COQ6: variants seen among roughly 807,000 people sequenced by gnomAD.
COQ6 encodes coenzyme Q6, monooxygenase, also known as ubiquinone biosynthesis monooxygenase COQ6, mitochondrial.
In COQ6, 45 loss-of-function variants were observed where a neutral mutation model predicts 55.5. That is an observed-to-expected ratio of 0.81 (90% CI 0.64 to 1.04). The LOEUF (loss-of-function observed/expected upper bound fraction) is 1.04, where lower values mean the gene tolerates loss of function less well. Ranked by LOEUF, COQ6 falls within the 50% of genes least tolerant of loss-of-function variation. The probability of loss-of-function intolerance (pLI) is 0.00; values close to 1 mark genes in which losing one functional copy is unlikely to be tolerated. For synonymous variants in COQ6, 206 were observed against 230.5 expected, an observed-to-expected ratio of 0.89 and a Z score of 0.96; for missense variants, 550 against 601.3, an observed-to-expected ratio of 0.91 and a Z score of 0.89.
At chr14:73,957,199 A>C (rs1184190364) in intron 4 of COQ6, among the ~76,000 whole-genome samples, 1 of 151,322 alleles carries the variant, frequency 6.6e-6, no homozygotes, top group East Asian at 1.9e-4. Flanking sequence ...CCAGGTTCAC[A>C]CCATTCTCCT....
chr14:73,961,782 A>C lies in COQ6; in HGVS notation c.1256A>C (p.His419Pro), dbSNP rs1180320611. The change falls in exon 11 of 12, where the codon CAC (histidine) becomes CCC (proline). Residue 419 changes from histidine (H) to proline (P), a missense_variant. Physicochemically the swap from His to Pro is moderately conservative, Grantham distance 77. Transcript: ENST00000334571. ...GGTTATGAAACAGAAAGACAGCGTC[A>C]CAACACTGCTCTTCTGGCTGCTACA... ...LTGYETERQR[H>P]NTALLAATDL... 1.9e-6 allele frequency: 3 copies of C among 1,614,190 alleles called. No individual in the cohort carries two copies. Among genetic ancestry groups the C allele is most frequent in the Non-Finnish European group, 2.5e-6 (3 of 1,180,030 alleles).
chr14:73,953,798 C>T, intron 2 of COQ6: 1 of 604,924 alleles, frequency 1.7e-6, no homozygotes, highest in Non-Finnish European at 3.0e-6. Context: ...GCATGTGGGT[C>T]CATCATGTTG....
intron 4 of COQ6, among the ~76,000 whole-genome samples, chr14:73,957,312 C>T (rs534495064): frequency 6.6e-6 from 1 of 152,116 alleles, no homozygotes; most frequent in African/African-American, 2.4e-5. Context: ...GTCTCAATCT[C>T]CTGACCTCGT....
chr14:73,961,930 T>C lies in COQ6; in HGVS notation c.1377+27T>C, dbSNP rs984412591. On this transcript the variant is annotated intron_variant, in intron 11 of 11. Coordinates refer to ENST00000334571, the MANE Select transcript of COQ6 (RefSeq NM_182476.3). Reference sequence around the variant, plus strand: ...TAAGAGGTTGCTCAGAGGAATGACTTTGCAAACAGCTCTTAATTTCTTTTG... The same window carrying C: ...TAAGAGGTTGCTCAGAGGAATGACTCTGCAAACAGCTCTTAATTTCTTTTG... 1.9e-6 allele frequency: 3 copies of C among 1,613,348 alleles called. No individual in the cohort carries two copies. The Admixed American group carries it at 5.0e-5, about 27-fold the overall frequency.
At chr14:73,961,067 G>A in intron 8 of COQ6, 106 bp from the exon 9 acceptor site, 1 of 1,307,820 alleles carries the variant, frequency 7.6e-7, no homozygotes, top group African/African-American at 1.5e-5. Context: ...GGCAAGTTGG[G>A]TAGCATTAGC....
chr14:73,950,860 A>G (rs552298110), intron 1 of COQ6, among the ~76,000 whole-genome samples: 2 of 152,280 alleles, frequency 1.3e-5, no homozygotes, highest in South Asian at 4.1e-4. Flanking sequence ...TTTGACTTGT[A>G]TTTCCCTAAT....
At position 73,955,301 on chromosome 14, in the gene COQ6, G is replaced by C. The variant is rs186786930; in HGVS notation, c.299-150G>C. The C allele has an allele frequency of 3.3e-4, 240 of 725,638 alleles. 2 individuals are homozygous for C. In the East Asian group the frequency reaches 4.4e-3, roughly 13 times the overall value. 44.9% of individuals were successfully genotyped at this position (725,638 alleles called of 1,614,324 possible). A position where few individuals can be genotyped will look rare whatever the true frequency, so the allele number is the denominator to read the frequency against. ...ATACAACCTGGAACTGGGGAACAGA[G>C]TAGCTTAGGTACTAACATCAAACAA... On this transcript the variant is annotated intron_variant, in intron 2 of 11. Coordinates refer to ENST00000334571, the MANE Select transcript of COQ6 (RefSeq NM_182476.3).
rs1324425070 is a variant in COQ6, at chr14:73,956,064, C to T, written c.481+136C>T. ...TGATGGCCGGGTGCGGTGGCTCACG[C>T]CTGTAATCCCAGCACTTTTGGAGGC... is the stretch of plus-strand genomic sequence containing the variant. On this transcript the variant is annotated intron_variant, in intron 4 of 11. Transcript: ENST00000334571. 12 of 1,282,630 alleles carry T rather than the reference C, an allele frequency of 9.4e-6. No individual in the cohort carries two copies. In the African/African-American group the frequency reaches 1.8e-4, roughly 19 times the overall value. The allele number at this position is 1,282,630 out of a possible 1,614,324, so 79.5% of individuals were successfully genotyped here. A position where few individuals can be genotyped will look rare whatever the true frequency, so the allele number is the denominator to read the frequency against.
chr14:73,955,919 G>A lies in COQ6; in HGVS notation c.472G>A (p.Ala158Thr). The A allele has an allele frequency of 1.2e-6, 2 of 1,614,068 alleles. No homozygotes were observed. Among genetic ancestry groups the A allele is most frequent in the Non-Finnish European group, 1.7e-6 (2 of 1,180,044 alleles). The stretch of plus-strand genomic sequence containing the variant: ...GCATGCTCTCACTAAGCAGTTGGAG[G>A]CTGTGTCTGGTGAGGCCCCCATCTT... ...IMHALTKQLE[A>T]VSDRVTVLYR... Residue 158 changes from alanine to threonine, a missense_variant, in exon 4 of 12, where the codon GCT becomes ACT. By Grantham distance (58) the Ala-to-Thr change is moderately conservative. Coordinates refer to ENST00000334571, the MANE Select transcript of COQ6 (RefSeq NM_182476.3).
At chr14:73,949,972 C>T, upstream of COQ6, 1 of 1,613,556 alleles carries the variant, frequency 6.2e-7, no homozygotes, top group East Asian at 2.2e-5. Flanking sequence ...TCTCTCCTCA[C>T]CTGACGGCTC....
At position 73,961,155 on chromosome 14, in the gene COQ6, G is replaced by A; in HGVS notation, c.892-18G>A. On this transcript the variant is annotated intron_variant, in intron 8 of 11. Transcript: ENST00000334571. ...ACTCACATTTCACCTTGTTTGTCTT[G>A]TGGCTGATGCTGCTCAGTGGAGTGA... 6.2e-7 allele frequency: 1 copy of A among 1,611,842 alleles called. No homozygotes were observed.
chr14:73,960,757 C>T (rs1451895458), intron 8 of COQ6: 5 of 424,544 alleles, frequency 1.2e-5, no homozygotes, highest in Non-Finnish European at 1.2e-5. Flanking sequence ...GGGGGAAACA[C>T]AGAGAAAGAC....
chr14:73,958,092 T>A, intron 4 of COQ6, 55 bp from the exon 5 acceptor site: 1 of 1,442,612 alleles, frequency 6.9e-7, no homozygotes, highest in Non-Finnish European at 9.8e-7. Flanking sequence ...GGCTTTTTCC[T>A]CAGCCTATGT....
At chr14:73,952,943 T>C (rs1486978314) in intron 1 of COQ6, among the ~76,000 whole-genome samples, 2 of 152,234 alleles carry the variant, frequency 1.3e-5, no homozygotes, top group African/African-American at 4.8e-5. Context: ...TTCAAAGTGC[T>C]GGGATTACAG....
intron 2 of COQ6, 84 bp from the exon 3 acceptor site, chr14:73,955,367 C>A: frequency 1.0e-6 from 1 of 982,718 alleles, no homozygotes; most frequent in Non-Finnish European, 1.7e-6. Context: ...CTGAAAACAA[C>A]CTCTTACGTA....
chr14:73,950,208 CCG>C (rs781526555), upstream of COQ6: 1 of 1,544,488 alleles, frequency 6.5e-7, no homozygotes, highest in Non-Finnish European at 8.7e-7. Context: ...CCTATTTTCT[CCG>C]CGCATTTTAT....
In COQ6 at chr14:73,962,002, C is replaced by T; in HGVS notation, c.1377+99C>T. On this transcript the variant is annotated intron_variant, in intron 11 of 11. Coordinates refer to ENST00000334571, the MANE Select transcript of COQ6 (RefSeq NM_182476.3). ...TGGTCTTATCGCCCAGGATGGAGTGCAGTGGCACAATTTCCACTCACTGCA... is the reference window on the plus strand; with the variant it reads ...TGGTCTTATCGCCCAGGATGGAGTGTAGTGGCACAATTTCCACTCACTGCA... 3 of 1,389,126 alleles carry T rather than the reference C, an allele frequency of 2.2e-6. No individual in the cohort carries two copies. The South Asian group carries it at 3.5e-5, about 16-fold the overall frequency. The allele number at this position is 1,389,126 out of a possible 1,614,324, so 86.1% of individuals were successfully genotyped here. A position where few individuals can be genotyped will look rare whatever the true frequency, so the allele number is the denominator to read the frequency against.
At chr14:73,950,906 T>C (rs59892091) in intron 1 of COQ6, among the ~76,000 whole-genome samples, 9,369 of 152,326 alleles carry the variant, frequency 0.062, 467 homozygotes, top group South Asian at 0.27. Context: ...ATATGTTTAT[T>C]GGTCATTTGT....
intron 1 of COQ6, 113 bp from the exon 2 acceptor site, chr14:73,953,322 C>A: frequency 1.0e-6 from 1 of 973,056 alleles, no homozygotes; most frequent in East Asian, 2.4e-5. Context: ...TGTTTATGTT[C>A]TCTGTAAGAA....
Sources: gnomAD v4.1 joint callset for allele counts (sites outside exome capture counted in the v4.1 genomes callset) on GRCh38, gnomAD v4.1.1 for gene constraint, MANE v1.5 for transcripts, NCBI Gene and HGNC (gene_info 2026-07-23, HGNC 2026-07-21) for gene names.